Variants in METTL8 observed in about 807,000 individuals in gnomAD.
METTL8 encodes tRNA N(3)-cytidine methyltransferase METTL8, mitochondrial.
In METTL8, 32 loss-of-function variants were observed where a neutral mutation model predicts 48.7. The ratio of observed to expected loss-of-function variants is 0.66; its 90% CI spans 0.50 to 0.88. The LOEUF is 0.88. METTL8 is among the 40% of genes least tolerant of loss of function. The pLI is 0.00. For missense variants in METTL8, 464 were observed against 474.4 expected (o/e 0.98, Z 0.20); for synonymous variants, 136 against 157.1 (o/e 0.87, Z 1.01).
rs6724079 is a variant in METTL8 at position 171,334,720 on chromosome 2, A to G, written c.656+2733T>C. Among the ~76,000 whole-genome samples the G allele has an allele frequency of 4.4e-3, 671 of 152,366 alleles. 2 individuals are homozygous for G. The highest frequency in any genetic ancestry group is 0.015 in the African/African-American group (619 of 41,590). ...TCTAAAACATAGGTATGAGGCAAAG[A>G]AAGACAGAGCTAAGAAGAAAGAGTT... On this transcript the variant is annotated intron_variant, in intron 5 of 9. Coordinates refer to ENST00000375258, the MANE Select transcript of METTL8 (RefSeq NM_001321154.2).
intron 5 of METTL8, 48 bp downstream of exon 5, chr2:171,337,405 T>G: frequency 4.3e-6 from 6 of 1,406,176 alleles, no homozygotes; most frequent in Non-Finnish European, 5.9e-6. Flanking sequence ...TTTCTCAACA[T>G]TCCATAAATA....
At position 171,432,779 on chromosome 2, in the gene METTL8, CACTT is replaced by C. The variant is rs760313083; in HGVS notation, c.-13+1100_-13+1103del. On this transcript the variant is annotated intron_variant, in intron 1 of 9. Transcript: ENST00000375258. Reference sequence around the variant, plus strand: ...ACACTCACCCAGTACTGTAAGTACTCACTTAATGTCATCAACAGATTTTTGGAAA... The same window carrying C: ...ACACTCACCCAGTACTGTAAGTACTCAATGTCATCAACAGATTTTTGGAAA... Among the ~76,000 whole-genome samples the C allele has an allele frequency of 2.6e-5, 4 of 152,182 alleles. No homozygotes were observed. In the East Asian group the frequency reaches 5.8e-4, roughly 22 times the overall value.
In METTL8 at chr2:171,400,845, G is replaced by T. The variant is rs114785823; in HGVS notation, c.-12-8648C>A. 9.9e-3 allele frequency among the ~76,000 whole-genome samples: 1,510 copies of T among 152,246 alleles called. 6 individuals carry two copies. The highest frequency in any genetic ancestry group is 0.016 in the Non-Finnish European group (1,088 of 67,992). On this transcript the variant is annotated intron_variant, in intron 1 of 9. Coordinates refer to ENST00000375258, the MANE Select transcript of METTL8 (RefSeq NM_001321154.2). ...AATAGAGCAAACAGTACTGCTGTTT[G>T]TGTGAATCTATAACGATTATCCTTG...
chr2:171,339,765 T>C (rs964961646), intron 3 of METTL8, among the ~76,000 whole-genome samples: 3 of 152,192 alleles, frequency 2.0e-5, no homozygotes, highest in African/African-American at 7.2e-5. Flanking sequence ...AAATGTGGGA[T>C]ATTTAGTCCT....
At chr2:171,381,486 A>G (rs932270669) in intron 2 of METTL8, among the ~76,000 whole-genome samples, 1 of 152,214 alleles carries the variant, frequency 6.6e-6, no homozygotes, top group African/African-American at 2.4e-5. Context: ...AGAATGGGAG[A>G]AAATTTTTGC....
intron 2 of METTL8, among the ~76,000 whole-genome samples, chr2:171,365,487 C>A (rs1168575490): frequency 6.6e-6 from 1 of 152,146 alleles, no homozygotes; most frequent in Non-Finnish European, 1.5e-5. Context: ...AGCTCAGGGC[C>A]GTGAGCAAGC....
At chr2:171,434,372 C>G (rs886055103), upstream of METTL8, 2 of 864,896 alleles carry the variant, frequency 2.3e-6, no homozygotes, top group Non-Finnish European at 3.7e-6. Flanking sequence ...CTTCCCTTCT[C>G]TCCGCGCTCT....
intron 3 of METTL8, among the ~76,000 whole-genome samples, chr2:171,340,923 TC>T (rs1384561907): frequency 6.6e-6 from 1 of 152,202 alleles, no homozygotes; most frequent in East Asian, 1.9e-4. Context: ...TTTCTGATGC[TC>T]TTAAAACAAA....
chr2:171,374,784 CA>C (rs1686774433), intron 2 of METTL8: 4 of 631,922 alleles, frequency 6.3e-6, no homozygotes, highest in South Asian at 3.8e-5. Context: ...TTCTTTCACT[CA>C]GCATAATTAT....
At chr2:171,401,068 C>T (rs1420124938) in intron 1 of METTL8, among the ~76,000 whole-genome samples, 2 of 151,998 alleles carry the variant, frequency 1.3e-5, no homozygotes, top group African/African-American at 4.8e-5. Flanking sequence ...ATTAGTGAGA[C>T]GTTCATGTTT....
chr2:171,383,325 A>C (rs1190812443), intron 2 of METTL8, among the ~76,000 whole-genome samples: 1 of 152,218 alleles, frequency 6.6e-6, no homozygotes, highest in African/African-American at 2.4e-5. Context: ...GGATCTACAG[A>C]AAACGGCTTA....
At chr2:171,400,735 A>G (rs1689559440) in intron 1 of METTL8, among the ~76,000 whole-genome samples, 1 of 152,132 alleles carries the variant, frequency 6.6e-6, no homozygotes. Context: ...AGAGGCAAAG[A>G]ACGGCTTCTT....
At chr2:171,411,904 T>TA (rs1290177157) in intron 1 of METTL8, among the ~76,000 whole-genome samples, 1 of 152,194 alleles carries the variant, frequency 6.6e-6, no homozygotes, top group Non-Finnish European at 1.5e-5. Flanking sequence ...TGTGTTAGTT[T>TA]ATAAGGAATG....
chr2:171,434,558 A>AGGGCCCGGCCCGCGCCTCCAT (rs1165463455), upstream of METTL8: 106 of 1,525,180 alleles, frequency 6.9e-5, no homozygotes, highest in Non-Finnish European at 8.6e-5. Flanking sequence ...CAGCCTACCC[A>AGGGCCCGGCCCGCGCCTCCAT]GGGCCCGGCC....
chr2:171,411,158 G>C (rs192899712), intron 1 of METTL8, among the ~76,000 whole-genome samples: 16 of 152,280 alleles, frequency 1.1e-4, no homozygotes, highest in African/African-American at 3.8e-4. Flanking sequence ...ATTTTAATAA[G>C]TAGGAAGACA....
At chr2:171,328,772 C>T (rs915509388) in intron 7 of METTL8, among the ~76,000 whole-genome samples, 2 of 152,106 alleles carry the variant, frequency 1.3e-5, no homozygotes, top group African/African-American at 4.8e-5. Flanking sequence ...ACACTGCAGC[C>T]TCTGCCTTCC....
chr2:171,319,795 T>C lies in METTL8; in HGVS notation c.*4377A>G, dbSNP rs1388338944. 1 of 152,184 alleles carries C rather than the reference T, an allele frequency of 6.6e-6. No homozygotes were observed. Among genetic ancestry groups the C allele is most frequent in the Non-Finnish European group, 1.5e-5 (1 of 68,036 alleles). The allele number at this position is 152,184 out of a possible 1,614,324, so 9.4% of individuals were successfully genotyped here. ...TCCTCATGTGTGAGAATTTTTACAT[T>C]TGGACGATGCTCAAAAGTGAATTTT... is the stretch of plus-strand genomic sequence containing the variant. On this transcript the variant is annotated 3_prime_UTR_variant, in exon 10 of 10. Coordinates refer to ENST00000375258, the MANE Select transcript of METTL8 (RefSeq NM_001321154.2).
At chr2:171,341,414 T>A (rs1397266168) in intron 3 of METTL8, among the ~76,000 whole-genome samples, 2 of 152,054 alleles carry the variant, frequency 1.3e-5, no homozygotes, top group African/African-American at 4.8e-5. Context: ...TTATTTTATA[T>A]TTTTAGTAGA....
At chr2:171,384,127 C>T (rs774259433) in intron 2 of METTL8, among the ~76,000 whole-genome samples, 1 of 152,208 alleles carries the variant, frequency 6.6e-6, no homozygotes, top group African/African-American at 2.4e-5. Context: ...AGTGCCAATA[C>T]ATGCTGCAAG....
Sources: allele counts gnomAD v4.1 joint callset (sites outside exome capture counted in the v4.1 genomes callset), GRCh38; gene constraint gnomAD v4.1.1; transcripts MANE v1.5; gene names NCBI Gene and HGNC (gene_info 2026-07-23, HGNC 2026-07-21).